AP2A2: variants seen among roughly 807,000 people sequenced by gnomAD.
The protein encoded by AP2A2 is adaptor related protein complex 2 subunit alpha 2, also known as AP-2 complex subunit alpha-2.
Under a neutral mutation model 104.2 loss-of-function variants are expected in AP2A2, and 32 were observed. That is an observed-to-expected ratio of 0.31 (90% confidence interval 0.23 to 0.41). AP2A2 has a LOEUF of 0.41. Among genes scored for constraint, AP2A2 ranks in the 10% least tolerant of loss-of-function variants. AP2A2 has a pLI of 1.00. For missense variants in AP2A2, 912 were observed against 1,261.0 expected (o/e 0.72, Z 4.19); for synonymous variants, 539 against 533.3 (o/e 1.01, Z -0.15).
At chr11:976,099 C>T (rs969364761) in intron 4 of AP2A2, among the ~76,000 whole-genome samples, 6 of 152,266 alleles carry the variant, frequency 3.9e-5, no homozygotes, top group Admixed American at 2.6e-4. Context: ...GCCCTGCTGG[C>T]GCCTGGAACA....
chr11:1,005,562 C>T (rs1436180611), intron 16 of AP2A2, among the ~76,000 whole-genome samples: 3 of 152,212 alleles, frequency 2.0e-5, no homozygotes, highest in African/African-American at 7.2e-5. Context: ...GTGCACGGAA[C>T]CCTGTGGCTG....
chr11:970,125 C>G (rs1490837102), intron 2 of AP2A2, 44 bp from the exon 3 acceptor site: 2 of 1,605,502 alleles, frequency 1.2e-6, no homozygotes, highest in Admixed American at 1.7e-5. Flanking sequence ...TCTCCCCTGC[C>G]TCTGCCCGCC....
In AP2A2 at chr11:1,008,125, ATTCAG is replaced by A; in HGVS notation, c.2416_2420del (p.Phe806ValfsTer72). The A allele has an allele frequency of 6.2e-7, 1 of 1,607,156 alleles. No homozygotes were observed. The highest frequency in any genetic ancestry group is 8.5e-7 in the Non-Finnish European group (1 of 1,177,388). On this transcript the variant is annotated frameshift_variant, in exon 18 of 22. Coordinates refer to ENST00000448903, the MANE Select transcript of AP2A2 (RefSeq NM_012305.4). LOFTEE classifies it high-confidence loss of function. ...CTTCACGGAGGCGCCAGTCCTCAACATTCAGTTCAGGTAAGAGCCGCCTGTGCGCC... is the reference window on the plus strand; with the variant it reads ...CTTCACGGAGGCGCCAGTCCTCAACATTCAGGTAAGAGCCGCCTGTGCGCC...
At chr11:935,603 G>GTTTTTCTTTTTTTTTTTT (rs1853428833) in intron 1 of AP2A2, among the ~76,000 whole-genome samples, 2 of 77,988 alleles carry the variant, frequency 2.6e-5, no homozygotes, top group Admixed American at 1.5e-4. Flanking sequence ...TGCCCGGCCA[G>GTTTTTCTTTTTTTTTTTT]TTTTTTTTTT....
chr11:1,001,006 G>A (rs1408081124), intron 15 of AP2A2, among the ~76,000 whole-genome samples: 1 of 152,198 alleles, frequency 6.6e-6, no homozygotes, highest in African/African-American at 2.4e-5. Context: ...AAGCCGTCTT[G>A]TCTGTGTCTG....
intron 3 of AP2A2, among the ~76,000 whole-genome samples, chr11:971,653 G>A (rs181038548): frequency 1.4e-3 from 217 of 152,212 alleles, no homozygotes; most frequent in Middle Eastern, 3.4e-3. Flanking sequence ...ACAGGCAGCC[G>A]GGTTTCTGGA....
intron 4 of AP2A2, among the ~76,000 whole-genome samples, chr11:972,909 C>T (rs998293760): frequency 4.6e-5 from 7 of 152,252 alleles, no homozygotes; most frequent in Admixed American, 4.6e-4. Context: ...AGAAGCCGAG[C>T]ACCGCGCCGG....
At chr11:1,003,957 G>A (rs1308275299) in intron 16 of AP2A2, among the ~76,000 whole-genome samples, 153 bp downstream of exon 16, 1 of 151,996 alleles carries the variant, frequency 6.6e-6, no homozygotes, top group Non-Finnish European at 1.5e-5. Context: ...TTAAAAAATG[G>A]GCAAAAGAAC....
intron 6 of AP2A2, among the ~76,000 whole-genome samples, chr11:982,676 G>A (rs907970229): frequency 3.3e-5 from 5 of 150,880 alleles, no homozygotes; most frequent in Middle Eastern, 3.2e-3. Context: ...TTGAGATAGG[G>A]TCTCGCTCTT....
At chr11:969,355 G>A (rs568393514) in intron 2 of AP2A2, among the ~76,000 whole-genome samples, 2 of 147,230 alleles carry the variant, frequency 1.4e-5, no homozygotes, top group Non-Finnish European at 3.0e-5. Flanking sequence ...TCAGCCTCCC[G>A]AGTAGCTGGG....
chr11:948,794 G>A (rs1348183248), intron 1 of AP2A2, among the ~76,000 whole-genome samples: 1 of 151,894 alleles, frequency 6.6e-6, no homozygotes, highest in African/African-American at 2.4e-5. Flanking sequence ...TTGAACCCAG[G>A]AGGTAGAGGT....
chr11:1,011,829 T>G lies in AP2A2; in HGVS notation c.*1204T>G, dbSNP rs14346. 6.9e-6 allele frequency: 2 copies of G among 288,458 alleles called. No homozygotes were observed. The highest frequency in any genetic ancestry group is 1.4e-5 in the Non-Finnish European group (2 of 145,846). The allele number at this position is 288,458 out of a possible 1,614,324, so 17.9% of individuals were successfully genotyped here. Reference sequence around the variant, plus strand: ...TCCCTGGGGCAGCTGCAGGGGCTCATGGACCCATCAGGGTCTCCACAGCTC... The same window carrying G: ...TCCCTGGGGCAGCTGCAGGGGCTCAGGGACCCATCAGGGTCTCCACAGCTC... On this transcript the variant is annotated 3_prime_UTR_variant, in exon 22 of 22. Coordinates refer to ENST00000448903, the MANE Select transcript of AP2A2 (RefSeq NM_012305.4).
intron 5 of AP2A2, among the ~76,000 whole-genome samples, chr11:979,239 C>G (rs902744654): frequency 6.0e-5 from 9 of 149,828 alleles, no homozygotes; most frequent in Non-Finnish European, 1.2e-4. Context: ...ATTCTAGATG[C>G]GTGTTTCCTG....
intron 1 of AP2A2, among the ~76,000 whole-genome samples, chr11:931,116 T>A (rs1853278478): frequency 6.6e-6 from 1 of 152,200 alleles, no homozygotes; most frequent in Non-Finnish European, 1.5e-5. Flanking sequence ...ATAAAGGGAA[T>A]CACATCATAT....
At chr11:998,306 T>G (rs1855921467) in intron 14 of AP2A2, among the ~76,000 whole-genome samples, 1 of 96,592 alleles carries the variant, frequency 1.0e-5, no homozygotes, top group Non-Finnish European at 2.0e-5. Context: ...TGCCCCCCAA[T>G]CCCCATTCTG....
At chr11:991,292 G>C (rs1855646756) in intron 10 of AP2A2, among the ~76,000 whole-genome samples, 1 of 152,274 alleles carries the variant, frequency 6.6e-6, no homozygotes, top group African/African-American at 2.4e-5. Flanking sequence ...TCCATGGAGG[G>C]GGACGGATTG....
Position 977,179 on chromosome 11 carries a change from C to G in AP2A2, c.558C>G (p.Gly186=). The G allele has an allele frequency of 6.2e-7, 1 of 1,612,112 alleles. No homozygotes were observed. The highest frequency in any genetic ancestry group is 8.5e-7 in the Non-Finnish European group (1 of 1,178,720). ...YRTSPDLVPM[G]DWTSRVVHLL... ...CGTCCCCCGATCTTGTCCCCATGGGCGACTGGACATCCCGAGTGGTGCACC... is the reference window on the plus strand; with the variant it reads ...CGTCCCCCGATCTTGTCCCCATGGGGGACTGGACATCCCGAGTGGTGCACC... Residue 186 remains glycine (G), a synonymous_variant, in exon 5 of 22, where the codon GGC becomes GGG. Transcript: ENST00000448903.
At chr11:981,698 G>A (rs956559611) in intron 6 of AP2A2, among the ~76,000 whole-genome samples, 1 of 152,258 alleles carries the variant, frequency 6.6e-6, no homozygotes, top group African/African-American at 2.4e-5. Flanking sequence ...TAAAATTTTT[G>A]TTTTGTGTGC....
At chr11:941,159 C>T (rs1411617871) in intron 1 of AP2A2, among the ~76,000 whole-genome samples, 1 of 152,182 alleles carries the variant, frequency 6.6e-6, no homozygotes, top group Non-Finnish European at 1.5e-5. Context: ...ACATCGGTCT[C>T]CTGAGGTTCC....
Sources: allele counts gnomAD v4.1 joint callset (sites outside exome capture counted in the v4.1 genomes callset), GRCh38; gene constraint gnomAD v4.1.1; transcripts MANE v1.5; gene names NCBI Gene and HGNC (gene_info 2026-07-23, HGNC 2026-07-21).